PAN3: variants seen among roughly 807,000 people sequenced by gnomAD.
PAN3 encodes the protein PAN2-PAN3 deadenylation complex subunit PAN3.
Under a neutral mutation model 96.2 loss-of-function variants are expected in PAN3, and 19 were observed. That is an observed-to-expected ratio of 0.20 (90% CI 0.14 to 0.29). The LOEUF is 0.29. Ranked by LOEUF, PAN3 falls within the 10% of genes least tolerant of loss-of-function variation. The pLI is 1.00. For missense variants in PAN3, 882 were observed against 1,108.1 expected (o/e 0.80, Z 2.90); for synonymous variants, 433 against 406.6 (o/e 1.06, Z -0.78).
chr13:28,194,298 C>T (rs1171144090), intron 4 of PAN3, among the ~76,000 whole-genome samples: 3 of 151,460 alleles, frequency 2.0e-5, no homozygotes, highest in African/African-American at 7.3e-5. Flanking sequence ...AATCATTTGA[C>T]AACCTGAGAT....
chr13:28,237,588 G>A (rs965378685), intron 6 of PAN3, among the ~76,000 whole-genome samples: 1 of 152,096 alleles, frequency 6.6e-6, no homozygotes. Context: ...GGAATTTACC[G>A]GTTCGGGTTT....
At chr13:28,241,459 A>T (rs141767816) in intron 6 of PAN3, among the ~76,000 whole-genome samples, 2 of 152,150 alleles carry the variant, frequency 1.3e-5, no homozygotes, top group South Asian at 4.1e-4. Flanking sequence ...TTCTTCTTCT[A>T]TTAAGAAGAG....
chr13:28,193,783 G>A (rs1877605106), intron 4 of PAN3, among the ~76,000 whole-genome samples: 1 of 143,576 alleles, frequency 7.0e-6, no homozygotes, highest in Non-Finnish European at 1.5e-5. Flanking sequence ...TAACCAAAGA[G>A]CAACAACCTT....
At chr13:28,138,230 G>A (rs1869030799), upstream of PAN3, 1 of 152,330 alleles carries the variant, frequency 6.6e-6, no homozygotes, top group African/African-American at 2.4e-5. Flanking sequence ...GAGGAAAATG[G>A]AATAAACAAC....
At chr13:28,271,896 T>G (rs1301243315) in intron 13 of PAN3, 85 bp from the exon 14 acceptor site, 1 of 878,548 alleles carries the variant, frequency 1.1e-6, no homozygotes, top group Non-Finnish European at 1.7e-6. Context: ...TTCCTAATAT[T>G]TTGGGAAATG....
At chr13:28,147,158 A>G (rs543010979) in intron 1 of PAN3, among the ~76,000 whole-genome samples, 5 of 152,250 alleles carry the variant, frequency 3.3e-5, no homozygotes, top group Admixed American at 6.5e-5. Flanking sequence ...CCGAAATTTT[A>G]ATTTTATTGC....
chr13:28,193,244 C>T (rs1018526117), intron 4 of PAN3, among the ~76,000 whole-genome samples: 2 of 152,074 alleles, frequency 1.3e-5, no homozygotes, highest in African/African-American at 2.4e-5. Context: ...AGTTTAATCT[C>T]TGGCTATTTA....
rs142957346 is a variant in PAN3 at position 28,205,372 on chromosome 13, C to G, written c.852+8026C>G. Among the ~76,000 whole-genome samples, 667 of 152,194 alleles carry G rather than the reference C, an allele frequency of 4.4e-3. 9 individuals carry two copies. The highest frequency in any genetic ancestry group is 0.015 in the African/African-American group (635 of 41,532). ...TCTGTTCACACATCTCACCCTGGAC[C>G]TCCTCTTCTCTCTAGCTGATACTCG... On this transcript the variant is annotated intron_variant, in intron 5 of 18. Coordinates refer to ENST00000380958, the MANE Select transcript of PAN3 (RefSeq NM_175854.8).
chr13:28,151,126 A>G (rs1412505631), intron 1 of PAN3, among the ~76,000 whole-genome samples: 2 of 152,190 alleles, frequency 1.3e-5, no homozygotes, highest in African/African-American at 2.4e-5. Flanking sequence ...AGAGGGATAG[A>G]AGGCTAATAG....
chr13:28,140,193 GTCC>G (rs1869514346), intron 1 of PAN3, among the ~76,000 whole-genome samples: 2 of 152,108 alleles, frequency 1.3e-5, no homozygotes, highest in African/African-American at 4.8e-5. Flanking sequence ...CAAGTGATCT[GTCC>G]TCCTCAGCCT....
chr13:28,143,697 A>G (rs1870180104), intron 1 of PAN3, among the ~76,000 whole-genome samples: 1 of 152,198 alleles, frequency 6.6e-6, no homozygotes, highest in Non-Finnish European at 1.5e-5. Flanking sequence ...TGCTATTATT[A>G]AATATTAATA....
chr13:28,239,188 C>CAT (rs1405630497), intron 6 of PAN3, among the ~76,000 whole-genome samples: 2 of 112,254 alleles, frequency 1.8e-5, no homozygotes, highest in East Asian at 5.6e-4. Flanking sequence ...CACACACACA[C>CAT]GCATGCACAC....
intron 1 of PAN3, among the ~76,000 whole-genome samples, chr13:28,143,337 T>A (rs1593346122): frequency 6.6e-6 from 1 of 152,316 alleles, no homozygotes; most frequent in East Asian, 1.9e-4. Context: ...CATTATCGAT[T>A]CTTGACATTT....
chr13:28,169,302 T>A (rs1371278721), intron 1 of PAN3, among the ~76,000 whole-genome samples: 1 of 140,560 alleles, frequency 7.1e-6, no homozygotes, highest in Non-Finnish European at 1.5e-5. Context: ...CAATCTTGGC[T>A]CACTGCAACC....
rs752866187 is a variant in PAN3 at position 28,270,854 on chromosome 13, C to T, written c.1946C>T (p.Thr649Ile). Residue 649 changes from threonine to isoleucine, a missense_variant, in exon 13 of 19, where the codon ACT becomes ATT. By Grantham distance (89) the Thr-to-Ile change is moderately conservative. Around this residue, in one of 3 missense-constraint regions of PAN3, gnomAD observed 364 missense variants for 513.6 expected, o/e 0.71. Transcript: ENST00000380958. ...ATGGATCCAACAAAGATTCTGATAA[C>T]TGGCAAAACAAGGTACTAGCATTTT... ...RVMDPTKILI[T>I]GKTRLRVNCV... 1.2e-6 allele frequency: 2 copies of T among 1,613,428 alleles called. No individual in the cohort carries two copies. The highest frequency in any genetic ancestry group is 1.7e-4 in the Middle Eastern group (1 of 6,058).
chr13:28,165,306 G>A (rs1873396671), intron 1 of PAN3, among the ~76,000 whole-genome samples: 1 of 134,312 alleles, frequency 7.4e-6, no homozygotes, highest in Non-Finnish European at 1.6e-5. Flanking sequence ...TTTTTGTAGA[G>A]ATGGGGGTCT....
chr13:28,258,735 A>G (rs1256388377), intron 7 of PAN3, among the ~76,000 whole-genome samples: 1 of 152,178 alleles, frequency 6.6e-6, no homozygotes, highest in Non-Finnish European at 1.5e-5. Flanking sequence ...GTTGCCATTT[A>G]GTATCCAAGG....
intron 12 of PAN3, 132 bp from the exon 13 acceptor site, chr13:28,270,569 A>G: frequency 2.2e-6 from 2 of 891,114 alleles, no homozygotes; most frequent in Non-Finnish European, 3.3e-6. Context: ...ACACATACAT[A>G]CACACACATA....
intron 18 of PAN3, among the ~76,000 whole-genome samples, chr13:28,291,940 GTTTT>G (rs974560165): frequency 5.9e-5 from 9 of 151,856 alleles, no homozygotes; most frequent in African/African-American, 2.2e-4. Context: ...ACTTTTTTGT[GTTTT>G]TTTAAAATTT....
Sources: gnomAD v4.1 joint callset for allele counts (sites outside exome capture counted in the v4.1 genomes callset) on GRCh38, gnomAD v4.1.1 for gene constraint, gnomAD v4.1.1 regional missense constraint, MANE v1.5 for transcripts, NCBI Gene and HGNC (gene_info 2026-07-23, HGNC 2026-07-21) for gene names.